The following FABP7 variants were observed in gnomAD, a reference collection of about 807,000 sequenced individuals.
FABP7 encodes the protein fatty acid binding protein 7.
FABP7 carries 13 observed loss-of-function variants against 14.2 expected under a neutral mutation model. The observed-to-expected ratio is 0.91, with a 90% CI of 0.59 to 1.45. The LOEUF (loss-of-function observed/expected upper bound fraction) is 1.45. Ranked by LOEUF, FABP7 falls within the 40% of genes most tolerant of loss-of-function variation. The pLI is 0.00. For missense variants in FABP7, 149 were observed against 157.6 expected (o/e 0.95, Z 0.29); for synonymous variants, 49 against 51.4 (o/e 0.95, Z 0.20).
At chr6:122,757,444 C>T in the FABP7 span, among the ~76,000 whole-genome samples, 1 of 151,886 alleles carries the variant, frequency 6.6e-6, no homozygotes, top group African/African-American at 2.4e-5. Flanking sequence ...TCCTTTCTGG[C>T]CCTAGGCCCC....
At chr6:122,778,018 C>G, upstream of FABP7, among the ~76,000 whole-genome samples, 1 of 152,150 alleles carries the variant, frequency 6.6e-6, no homozygotes, top group South Asian at 2.1e-4. Flanking sequence ...CCAATGTATG[C>G]CTTCCATGTA....
chr6:122,776,625 T>C (rs1780677707), upstream of FABP7, among the ~76,000 whole-genome samples: 1 of 152,128 alleles, frequency 6.6e-6, no homozygotes, highest in Admixed American at 6.6e-5. Flanking sequence ...TTTACTATAG[T>C]TAACAATAAT....
At chr6:122,760,536 T>C in the FABP7 span, among the ~76,000 whole-genome samples, 29,028 of 137,978 alleles carry the variant, frequency 0.21, 3,210 homozygotes, top group Non-Finnish European at 0.29. Context: ...ATCTGCTCTT[T>C]GTTTTTTTTT....
At chr6:122,781,617 T>A in intron 3 of FABP7, 4 of 1,118,222 alleles carry the variant, frequency 3.6e-6, no homozygotes, top group Non-Finnish European at 4.4e-6. Flanking sequence ...TAATAAGAGA[T>A]CTTTAAACAG....
the FABP7 span, among the ~76,000 whole-genome samples, chr6:122,755,906 A>G: frequency 0.15 from 23,222 of 152,120 alleles, 2,134 homozygotes; most frequent in Middle Eastern, 0.25. Context: ...AGGCCACTTA[A>G]AGACATCAAG....
intron 3 of FABP7, chr6:122,781,542 A>G: frequency 7.7e-7 from 1 of 1,293,570 alleles, no homozygotes; most frequent in Non-Finnish European, 9.8e-7. Flanking sequence ...GCCCATAATC[A>G]CTGAAATATA....
chr6:122,779,888 C>G, intron 1 of FABP7, 21 bp downstream of exon 1: 1 of 1,607,576 alleles, frequency 6.2e-7, no homozygotes, highest in South Asian at 1.1e-5. Flanking sequence ...ATAAGACCGG[C>G]TGTTCTCTTC....
At chr6:122,752,135 G>A in the FABP7 span, among the ~76,000 whole-genome samples, 29 of 148,612 alleles carry the variant, frequency 2.0e-4, no homozygotes, top group African/African-American at 6.7e-4. Context: ...CTTTTCTAAT[G>A]TACTAATTTG....
the FABP7 span, among the ~76,000 whole-genome samples, chr6:122,768,611 CAT>C: frequency 6.6e-6 from 1 of 152,174 alleles, no homozygotes; most frequent in African/African-American, 2.4e-5. Flanking sequence ...GGAGGATTCA[CAT>C]GTGGGTGTTT....
intron 3 of FABP7, chr6:122,781,577 A>C: frequency 8.3e-6 from 10 of 1,203,348 alleles, no homozygotes; most frequent in Non-Finnish European, 1.0e-5. Context: ...ATTATAAGAG[A>C]ATCTCAGACA....
chr6:122,759,652 C>T, the FABP7 span, among the ~76,000 whole-genome samples: 13 of 152,226 alleles, frequency 8.5e-5, no homozygotes, highest in Admixed American at 4.6e-4. Flanking sequence ...AACTGAGGCA[C>T]AGAGAAGTTA....
At chr6:122,757,843 T>A in the FABP7 span, among the ~76,000 whole-genome samples, 4 of 152,124 alleles carry the variant, frequency 2.6e-5, no homozygotes, top group Non-Finnish European at 5.9e-5. Context: ...ATTAAGGTAC[T>A]AAAAGAAGAA....
intron 2 of FABP7, among the ~76,000 whole-genome samples, chr6:122,780,820 CT>C (rs1780763890): frequency 6.6e-6 from 1 of 152,166 alleles, no homozygotes; most frequent in African/African-American, 2.4e-5. Flanking sequence ...CATTCTAAGG[CT>C]TTCTTTAGAG....
upstream of FABP7, among the ~76,000 whole-genome samples, chr6:122,775,395 A>G (rs1780654598): frequency 6.6e-6 from 1 of 152,210 alleles, no homozygotes; most frequent in African/African-American, 2.4e-5. Flanking sequence ...AAAGGTGCCA[A>G]GAATATACAC....
intron 3 of FABP7, chr6:122,783,485 T>C (rs1780845467): frequency 1.0e-6 from 1 of 985,360 alleles, no homozygotes; most frequent in African/African-American, 1.7e-5. Flanking sequence ...AGAAATTCTT[T>C]TGACTTGAAT....
chr6:122,773,780 A>G, the FABP7 span, among the ~76,000 whole-genome samples: 5 of 152,254 alleles, frequency 3.3e-5, no homozygotes, highest in Non-Finnish European at 5.9e-5. Flanking sequence ...TTTGTTAAAA[A>G]GGAAAAATTG....
chr6:122,760,262 A>G, the FABP7 span, among the ~76,000 whole-genome samples: 1 of 152,176 alleles, frequency 6.6e-6, no homozygotes, highest in East Asian at 1.9e-4. Flanking sequence ...CTTTCAAGAA[A>G]TAATTGAATA....
chr6:122,773,695 A>G, the FABP7 span, among the ~76,000 whole-genome samples: 1 of 152,324 alleles, frequency 6.6e-6, no homozygotes, highest in East Asian at 1.9e-4. Flanking sequence ...TGGATATCTT[A>G]CAAGAAATAA....
At chr6:122,757,837 A>G in the FABP7 span, among the ~76,000 whole-genome samples, 5 of 152,126 alleles carry the variant, frequency 3.3e-5, no homozygotes, top group Non-Finnish European at 7.3e-5. Context: ...TAAAATATTA[A>G]GGTACTAAAA....
Sources: allele counts gnomAD v4.1 joint callset (sites outside exome capture counted in the v4.1 genomes callset), GRCh38; gene constraint gnomAD v4.1.1; transcripts MANE v1.5; gene names NCBI Gene and HGNC (gene_info 2026-07-23, HGNC 2026-07-21).